Variants in POR observed in about 807,000 individuals in gnomAD.
POR encodes cytochrome p450 oxidoreductase.
In POR, 56 loss-of-function variants were observed where a neutral mutation model predicts 84.0. The observed-to-expected ratio is 0.67, with a 90% CI of 0.54 to 0.83. The LOEUF (loss-of-function observed/expected upper bound fraction) is 0.83. Ranked by LOEUF, POR falls within the 40% of genes least tolerant of loss-of-function variation. The probability of loss-of-function intolerance (pLI) is 0.00; values close to 1 mark genes in which losing one functional copy is unlikely to be tolerated. For missense variants in POR, 938 were observed against 944.3 expected, an observed-to-expected ratio of 0.99 and a Z score of 0.09; for synonymous variants, 414 against 400.5, an observed-to-expected ratio of 1.03 and a Z score of -0.40.
At chr7:75,948,256 C>T (rs191657923) in intron 1 of POR, among the ~76,000 whole-genome samples, 1 of 152,334 alleles carries the variant, frequency 6.6e-6, no homozygotes, top group East Asian at 1.9e-4. Flanking sequence ...TGTCTTCTCT[C>T]AGAAGTAGTT....
intron 3 of POR, among the ~76,000 whole-genome samples, chr7:75,973,421 C>T (rs1261729472): frequency 2.0e-5 from 3 of 151,960 alleles, no homozygotes; most frequent in Non-Finnish European, 4.4e-5. Flanking sequence ...TCAAGCCATC[C>T]TCCTACCACA....
intron 5 of POR, 55 bp downstream of exon 5, chr7:75,980,543 G>C: frequency 6.2e-7 from 1 of 1,612,404 alleles, no homozygotes; most frequent in Non-Finnish European, 8.5e-7. Flanking sequence ...GCCTCCCTGG[G>C]GACTCCAGAT....
At chr7:75,980,912 C>A in intron 5 of POR, 136 bp from the exon 6 acceptor site, 2 of 1,179,410 alleles carry the variant, frequency 1.7e-6, no homozygotes, top group Non-Finnish European at 2.3e-6. Flanking sequence ...CAGTGCGAGG[C>A]GCCTGGTGGA....
chr7:75,955,803 C>G (rs1252118225), intron 2 of POR, among the ~76,000 whole-genome samples: 1 of 152,094 alleles, frequency 6.6e-6, no homozygotes, highest in Non-Finnish European at 1.5e-5. Flanking sequence ...GCTGTCTTGG[C>G]AGGAACAAGC....
chr7:75,953,216 G>A (rs1347482332), intron 1 of POR, among the ~76,000 whole-genome samples: 2 of 151,632 alleles, frequency 1.3e-5, no homozygotes, highest in Non-Finnish European at 2.9e-5. Flanking sequence ...GCACTCGGCA[G>A]GCTGAGGCAG....
Position 75,928,910 on chromosome 7 carries a change from G to A in POR, c.-5+13731G>A, listed in dbSNP as rs140032637. On this transcript the variant is annotated intron_variant, in intron 1 of 15. Coordinates refer to ENST00000461988, the MANE Select transcript of POR (RefSeq NM_000941.3). ...CTCTCTTGGTGGTGTCTGAGAAATGGAGCATTAAGCCCTCAGTCTAAAGGA... is the reference window on the plus strand; with the variant it reads ...CTCTCTTGGTGGTGTCTGAGAAATGAAGCATTAAGCCCTCAGTCTAAAGGA... 2.7e-3 allele frequency among the ~76,000 whole-genome samples: 416 copies of A among 152,180 alleles called. 3 individuals carry two copies. The highest frequency in any genetic ancestry group is 9.4e-3 in the African/African-American group (390 of 41,508).
chr7:75,963,216 A>G (rs1192314425), intron 2 of POR, among the ~76,000 whole-genome samples: 8 of 152,168 alleles, frequency 5.3e-5, no homozygotes, highest in African/African-American at 1.9e-4. Context: ...ATCGAGCATG[A>G]AAAGAGAAAT....
At chr7:75,946,264 G>A (rs1482774454) in intron 1 of POR, among the ~76,000 whole-genome samples, 1 of 151,920 alleles carries the variant, frequency 6.6e-6, no homozygotes, top group Non-Finnish European at 1.5e-5. Context: ...TAGTTGGCTG[G>A]TATTCTGACA....
intron 6 of POR, among the ~76,000 whole-genome samples, 161 bp downstream of exon 6, chr7:75,981,333 T>G (rs1554557845): frequency 6.6e-6 from 1 of 151,738 alleles, no homozygotes. Flanking sequence ...CCTGCCAGTT[T>G]TGCTTTTCGG....
At chr7:75,969,302 C>T (rs1053899490) in intron 2 of POR, among the ~76,000 whole-genome samples, 26 of 152,162 alleles carry the variant, frequency 1.7e-4, no homozygotes, top group African/African-American at 5.8e-4. Flanking sequence ...AGTGTGGGCA[C>T]GAGAGGGGCG....
intron 5 of POR, 172 bp from the exon 6 acceptor site, chr7:75,980,876 C>T: frequency 9.3e-7 from 1 of 1,069,772 alleles, no homozygotes; most frequent in Non-Finnish European, 1.3e-6. Flanking sequence ...CCAGATGAAG[C>T]CTCTTCAGTG....
chr7:75,948,701 ATGTT>A (rs1787288259), intron 1 of POR, among the ~76,000 whole-genome samples: 1 of 152,132 alleles, frequency 6.6e-6, no homozygotes, highest in South Asian at 2.1e-4. Flanking sequence ...TTCTATTCAC[ATGTT>A]TATTTATTCA....
chr7:75,977,574 G>A (rs1005574369), intron 3 of POR, among the ~76,000 whole-genome samples: 8 of 152,130 alleles, frequency 5.3e-5, no homozygotes, highest in Non-Finnish European at 8.8e-5. Context: ...TCAGGAGTTC[G>A]AGACCAGCCT....
intron 1 of POR, among the ~76,000 whole-genome samples, chr7:75,936,919 C>T (rs554777113): frequency 1.4e-4 from 21 of 150,438 alleles, no homozygotes; most frequent in Non-Finnish European, 2.8e-4. Flanking sequence ...CTCCACCTCC[C>T]GGGTTCATGC....
intron 2 of POR, among the ~76,000 whole-genome samples, chr7:75,968,489 C>A (rs1388151822): frequency 6.6e-6 from 1 of 152,228 alleles, no homozygotes; most frequent in Non-Finnish European, 1.5e-5. Context: ...TGAGGTCCTC[C>A]GATGGAATGG....
At chr7:75,950,841 C>T (rs979119289) in intron 1 of POR, among the ~76,000 whole-genome samples, 2 of 144,818 alleles carry the variant, frequency 1.4e-5, no homozygotes, top group Non-Finnish European at 3.0e-5. Context: ...GGCAGGATCA[C>T]GAGGTCAGGA....
chr7:75,950,177 C>A (rs1167796798), intron 1 of POR, among the ~76,000 whole-genome samples: 2 of 152,168 alleles, frequency 1.3e-5, no homozygotes, highest in Non-Finnish European at 2.9e-5. Flanking sequence ...GACGATCTGA[C>A]TTACTTTTTA....
chr7:75,943,852 T>C (rs1554551835), intron 1 of POR: 1 of 513,362 alleles, frequency 1.9e-6, no homozygotes, highest in Non-Finnish European at 3.9e-6. Context: ...CTATAGAAAT[T>C]GCAGGAAAGT....
chr7:75,924,886 C>G (rs929273488), intron 1 of POR, among the ~76,000 whole-genome samples: 1 of 152,108 alleles, frequency 6.6e-6, no homozygotes, highest in African/African-American at 2.4e-5. Context: ...TGTGATAAAT[C>G]GTGTGCCCAG....
Sources: allele counts gnomAD v4.1 joint callset (sites outside exome capture counted in the v4.1 genomes callset), GRCh38; gene constraint gnomAD v4.1.1; transcripts MANE v1.5; gene names NCBI Gene and HGNC (gene_info 2026-07-23, HGNC 2026-07-21).